The following GRIA3 variants were observed in gnomAD, a reference collection of about 807,000 sequenced individuals.
GRIA3 encodes the protein glutamate receptor 3.
In GRIA3, 3 loss-of-function variants were observed where a neutral mutation model predicts 63.0. The observed-to-expected ratio is 0.05, with a 90% CI of 0.02 to 0.12. GRIA3 has a LOEUF of 0.12. Among genes scored for constraint, GRIA3 ranks in the 10% least tolerant of loss-of-function variants. The pLI is 1.00. For synonymous variants in GRIA3, 274 were observed against 257.9 expected, an observed-to-expected ratio of 1.06 and a Z score of -0.60; for missense variants, 347 against 700.9, an observed-to-expected ratio of 0.50 and a Z score of 5.70.
At chrX:123,258,595 A>G (rs1396660310) in intron 3 of GRIA3, among the ~76,000 whole-genome samples, 1 of 111,832 alleles carries the variant, frequency 8.9e-6, no homozygotes, top group Admixed American at 9.4e-5. Context: ...TGAGAACTGC[A>G]GCCAGACTCT....
chrX:123,400,387 A>G (rs1325038950), intron 7 of GRIA3, among the ~76,000 whole-genome samples: 1 of 111,854 alleles, frequency 8.9e-6, no homozygotes, highest in Non-Finnish European at 1.9e-5. Context: ...ATTGCTCCAG[A>G]GAGGCTGGAA....
chrX:123,469,419 A>G (rs1267039420), intron 13 of GRIA3, among the ~76,000 whole-genome samples: 1 of 111,678 alleles, frequency 9.0e-6, no homozygotes, highest in Non-Finnish European at 1.9e-5. Context: ...TTTTATTTTT[A>G]TGGATACAGG....
At chrX:123,365,431 A>G (rs1196124894) in intron 5 of GRIA3, among the ~76,000 whole-genome samples, 1 of 111,690 alleles carries the variant, frequency 9.0e-6, no homozygotes, top group Non-Finnish European at 1.9e-5. Flanking sequence ...CTGTTGAAGG[A>G]AATGGTGTAG....
intron 2 of GRIA3, among the ~76,000 whole-genome samples, chrX:123,215,219 G>A (rs746427612): frequency 1.8e-5 from 2 of 111,697 alleles, no homozygotes; most frequent in African/African-American, 3.3e-5. Flanking sequence ...TTCTGCTGCC[G>A]CCTCAAGGTA....
In GRIA3 at chrX:123,422,302, AG is replaced by A. The variant is rs2045567644; in HGVS notation, c.1877+4525del. On this transcript the variant is annotated intron_variant, in intron 11 of 15. Coordinates refer to ENST00000620443, the MANE Select transcript of GRIA3 (RefSeq NM_007325.5). Reference sequence around the variant, plus strand: ...ACCAAATTATTCACAGCTACCTAGAAGCTTAAAGAGTCTATGTCAATATTAG... The same window carrying A: ...ACCAAATTATTCACAGCTACCTAGAACTTAAAGAGTCTATGTCAATATTAG... Among the ~76,000 whole-genome samples, 3 of 112,364 alleles carry A rather than the reference AG, an allele frequency of 2.7e-5. No homozygotes were observed. In the Admixed American group the frequency reaches 2.8e-4, roughly 11 times the overall value.
chrX:123,301,688 T>C (rs1258370380), intron 3 of GRIA3, among the ~76,000 whole-genome samples: 1 of 111,791 alleles, frequency 8.9e-6, no homozygotes, highest in Non-Finnish European at 1.9e-5. Context: ...AGCTAGAACT[T>C]AAATGTTGCT....
intron 13 of GRIA3, among the ~76,000 whole-genome samples, chrX:123,475,244 C>T (rs1474995055): frequency 8.9e-6 from 1 of 112,143 alleles, no homozygotes; most frequent in Admixed American, 9.4e-5. Context: ...TTCCACCCCA[C>T]CTCAAACATT....
At chrX:123,397,639 G>A (rs368355077) in intron 6 of GRIA3, among the ~76,000 whole-genome samples, 2 of 112,089 alleles carry the variant, frequency 1.8e-5, no homozygotes, top group Admixed American at 9.5e-5. Flanking sequence ...GACAAGTAAC[G>A]TGAGAAAAGT....
intron 4 of GRIA3, among the ~76,000 whole-genome samples, chrX:123,353,925 C>A (rs1475000372): frequency 9.0e-6 from 1 of 111,424 alleles, no homozygotes; most frequent in Non-Finnish European, 1.9e-5. Context: ...AGGAAATAAA[C>A]ATCAATTATT....
chrX:123,194,196 A>T (rs1170311585), intron 2 of GRIA3, among the ~76,000 whole-genome samples: 1 of 110,525 alleles, frequency 9.0e-6, no homozygotes, highest in Non-Finnish European at 1.9e-5. Context: ...ACTGTGGAAA[A>T]TTTTCAGAGG....
At chrX:123,406,663 C>T (rs147668202) in intron 10 of GRIA3, among the ~76,000 whole-genome samples, 80 of 111,838 alleles carry the variant, frequency 7.2e-4, no homozygotes, top group South Asian at 1.1e-3. Context: ...CCTCCATCTA[C>T]GGGCCTGGAG....
At chrX:123,394,925 C>T in intron 5 of GRIA3, 43 bp from the exon 6 acceptor site, 3 of 990,685 alleles carry the variant, frequency 3.0e-6, no homozygotes, top group Non-Finnish European at 4.3e-6. Flanking sequence ...TGAGTAAGAA[C>T]ATACAACTTC....
intron 4 of GRIA3, among the ~76,000 whole-genome samples, chrX:123,333,791 C>T (rs1323933426): frequency 9.0e-6 from 1 of 110,853 alleles, no homozygotes; most frequent in Non-Finnish European, 1.9e-5. Flanking sequence ...TTCCTAATGG[C>T]GAGCTTCCAG....
At chrX:123,219,995 C>T (rs1287718832) in intron 2 of GRIA3, among the ~76,000 whole-genome samples, 1 of 112,340 alleles carries the variant, frequency 8.9e-6, no homozygotes, top group Non-Finnish European at 1.9e-5. Flanking sequence ...CAAAATAGCA[C>T]TTGGCAGGCA....
In GRIA3 at chrX:123,403,534, A is replaced by G; in HGVS notation, c.1293+15A>G. The G allele has an allele frequency of 2.1e-6, 2 of 949,222 alleles. No individual in the cohort carries two copies. 78.2% of individuals were successfully genotyped at this position (949,222 alleles called of 1,213,427 possible). A position where few individuals can be genotyped will look rare whatever the true frequency, so the allele number is the denominator to read the frequency against. On this transcript the variant is annotated intron_variant, in intron 9 of 15. Transcript: ENST00000620443. Reference sequence around the variant, plus strand: ...CTACCATTCTGGTAAGTGTGAACAGAAGGTAGGTGGGCTTTCTGTCCAGCA... The same window carrying G: ...CTACCATTCTGGTAAGTGTGAACAGGAGGTAGGTGGGCTTTCTGTCCAGCA...
At chrX:123,487,877 A>C (rs2045949987) in intron 15 of GRIA3, among the ~76,000 whole-genome samples, 1 of 112,236 alleles carries the variant, frequency 8.9e-6, no homozygotes, top group Non-Finnish European at 1.9e-5. Context: ...TCTTACAGAT[A>C]CTTTTACTAC....
intron 4 of GRIA3, 82 bp downstream of exon 4, chrX:123,326,295 A>T: frequency 1.3e-6 from 1 of 790,832 alleles, no homozygotes; most frequent in Non-Finnish European, 1.9e-6. Context: ...TAATAAATTA[A>T]GTAGCCAACA....
At chrX:123,445,637 T>C (rs2045699227) in intron 12 of GRIA3, among the ~76,000 whole-genome samples, 1 of 112,490 alleles carries the variant, frequency 8.9e-6, no homozygotes, top group Admixed American at 9.4e-5. Context: ...AATCTTTGAC[T>C]ATACAACACA....
rs2045963803 is a variant in GRIA3, at chrX:123,490,687, T to C, written c.*1977T>C. On this transcript the variant is annotated 3_prime_UTR_variant, in exon 16 of 16. Coordinates refer to ENST00000620443, the MANE Select transcript of GRIA3 (RefSeq NM_007325.5). ...AAAGTTGATTGCTTCAAATTTCTGC[T>C]ACTAACTTCAAGCTATGGGAGTTTG... 8.9e-6 allele frequency: 1 copy of C among 112,590 alleles called. No individual in the cohort carries two copies. Among genetic ancestry groups the C allele is most frequent in the Non-Finnish European group, 1.9e-5 (1 of 53,275 alleles). 9.3% of individuals were successfully genotyped at this position (112,590 alleles called of 1,213,427 possible). A position where few individuals can be genotyped will look rare whatever the true frequency, so the allele number is the denominator to read the frequency against.
Sources: gnomAD v4.1 joint callset for allele counts (sites outside exome capture counted in the v4.1 genomes callset) on GRCh38, gnomAD v4.1.1 for gene constraint, MANE v1.5 for transcripts, NCBI Gene and HGNC (gene_info 2026-07-23, HGNC 2026-07-21) for gene names.